The following WDR49 variants were observed in gnomAD, a reference collection of about 807,000 sequenced individuals.
The protein encoded by WDR49 is cilia- and flagella-associated protein 337.
In WDR49, 107 loss-of-function variants were observed where a neutral mutation model predicts 119.5. The ratio of observed to expected loss-of-function variants is 0.90; its 90% CI spans 0.77 to 1.05. The LOEUF is 1.05. Ranked by LOEUF, WDR49 falls within the 50% of genes least tolerant of loss-of-function variation. The pLI is 0.00. For synonymous variants in WDR49, 425 were observed against 418.8 expected, an observed-to-expected ratio of 1.01 and a Z score of -0.18; for missense variants, 1,240 against 1,220.5, an observed-to-expected ratio of 1.02 and a Z score of -0.24.
At chr3:167,587,140 G>C (rs1368473563) in intron 7 of WDR49, among the ~76,000 whole-genome samples, 1 of 151,764 alleles carries the variant, frequency 6.6e-6, no homozygotes, top group Non-Finnish European at 1.5e-5. Flanking sequence ...TATTTTCTAG[G>C]TCTTGGGAAA....
chr3:167,598,612 T>C (rs1237776333), intron 7 of WDR49, among the ~76,000 whole-genome samples: 1 of 152,220 alleles, frequency 6.6e-6, no homozygotes, highest in Non-Finnish European at 1.5e-5. Flanking sequence ...TCCACCATGA[T>C]TGTAAGCTTC....
At chr3:167,643,838 T>A (rs1263292188) in intron 2 of WDR49, among the ~76,000 whole-genome samples, 1 of 152,066 alleles carries the variant, frequency 6.6e-6, no homozygotes, top group Non-Finnish European at 1.5e-5. Flanking sequence ...ATTTTACTGA[T>A]AATAGCAAGT....
intron 10 of WDR49, among the ~76,000 whole-genome samples, chr3:167,543,986 A>G (rs1262324251): frequency 6.6e-6 from 1 of 152,064 alleles, no homozygotes; most frequent in African/African-American, 2.4e-5. Context: ...CAATATATAG[A>G]AATTGGTAAA....
intron 16 of WDR49, among the ~76,000 whole-genome samples, chr3:167,512,311 G>T (rs970546763): frequency 1.3e-5 from 2 of 152,164 alleles, no homozygotes; most frequent in East Asian, 1.9e-4. Context: ...AGGTGCATGA[G>T]GGACCCAGGT....
chr3:167,505,533 C>A, intron 16 of WDR49, 117 bp from the exon 17 acceptor site: 1 of 1,296,748 alleles, frequency 7.7e-7, no homozygotes, highest in South Asian at 1.8e-5. Flanking sequence ...AAATCTATTC[C>A]TGTGAACCGA....
At chr3:167,502,236 G>C (rs931666896) in intron 17 of WDR49, among the ~76,000 whole-genome samples, 1 of 152,192 alleles carries the variant, frequency 6.6e-6, no homozygotes, top group African/African-American at 2.4e-5. Context: ...CTCACCAGAA[G>C]GTGGGCAAAT....
intron 7 of WDR49, among the ~76,000 whole-genome samples, chr3:167,598,845 G>A (rs1488219257): frequency 2.0e-5 from 3 of 152,176 alleles, no homozygotes; most frequent in South Asian, 4.1e-4. Context: ...ACTCATAAAG[G>A]TCCCAGTTTG....
chr3:167,505,706 A>C (rs1178661704), intron 16 of WDR49, among the ~76,000 whole-genome samples: 7 of 152,182 alleles, frequency 4.6e-5, no homozygotes, highest in African/African-American at 1.7e-4. Context: ...TTTAGAAGAA[A>C]ATTTTACAGA....
At chr3:167,609,329 C>G (rs1204891585) in intron 5 of WDR49, among the ~76,000 whole-genome samples, 1 of 152,130 alleles carries the variant, frequency 6.6e-6, no homozygotes, top group Non-Finnish European at 1.5e-5. Flanking sequence ...GAATCACCAA[C>G]GCCCACCCTT....
intron 5 of WDR49, among the ~76,000 whole-genome samples, chr3:167,615,626 T>C (rs751322802): frequency 3.3e-5 from 5 of 152,012 alleles, no homozygotes; most frequent in Admixed American, 2.6e-4. Context: ...TAAAATCCCA[T>C]AGAAGAAACT....
chr3:167,536,082 G>A (rs1350224099), intron 11 of WDR49, among the ~76,000 whole-genome samples: 3 of 152,064 alleles, frequency 2.0e-5, no homozygotes, highest in African/African-American at 2.4e-5. Context: ...ATGGGGAGGG[G>A]AGACAGGAGG....
chr3:167,526,535 C>T (rs1162030702), intron 15 of WDR49, among the ~76,000 whole-genome samples: 1 of 152,148 alleles, frequency 6.6e-6, no homozygotes, highest in African/African-American at 2.4e-5. Context: ...CATGTCCCAC[C>T]CTGTCTCACT....
At chr3:167,638,518 A>G (rs1717727228) in intron 2 of WDR49, among the ~76,000 whole-genome samples, 1 of 151,550 alleles carries the variant, frequency 6.6e-6, no homozygotes, top group Non-Finnish European at 1.5e-5. Flanking sequence ...GTTACAAAGC[A>G]TATTGGTTAT....
intron 7 of WDR49, among the ~76,000 whole-genome samples, chr3:167,577,957 C>T (rs1714333201): frequency 6.6e-6 from 1 of 152,076 alleles, no homozygotes; most frequent in Non-Finnish European, 1.5e-5. Context: ...GGTACATAGA[C>T]ACACCTCACA....
intron 5 of WDR49, among the ~76,000 whole-genome samples, chr3:167,618,023 T>C (rs887082754): frequency 6.6e-6 from 1 of 152,160 alleles, no homozygotes; most frequent in South Asian, 2.1e-4. Flanking sequence ...ATTTGACCTA[T>C]TTGTTTCTAT....
intron 16 of WDR49, among the ~76,000 whole-genome samples, chr3:167,522,060 T>G (rs536975501): frequency 6.6e-6 from 1 of 152,210 alleles, no homozygotes; most frequent in South Asian, 2.1e-4. Context: ...ATTAGATTGA[T>G]GATGGAGTAG....
chr3:167,506,074 A>C (rs9880228), intron 16 of WDR49, among the ~76,000 whole-genome samples: 90,239 of 152,050 alleles, frequency 0.59, 28,494 homozygotes, highest in African/African-American at 0.83. Context: ...TGTTATTAGT[A>C]TCTTCAGAGC....
chr3:167,497,135 A>G (rs1751384030), intron 18 of WDR49, among the ~76,000 whole-genome samples: 1 of 152,132 alleles, frequency 6.6e-6, no homozygotes, highest in Non-Finnish European at 1.5e-5. Context: ...AATGAATCGA[A>G]CTTTTTTCCT....
chr3:167,611,879 AC>A (rs1409964047), intron 5 of WDR49, among the ~76,000 whole-genome samples: 1 of 152,172 alleles, frequency 6.6e-6, no homozygotes, highest in Non-Finnish European at 1.5e-5. Context: ...AGGCCTTGAT[AC>A]AATAATACCT....
Sources: allele counts gnomAD v4.1 joint callset (sites outside exome capture counted in the v4.1 genomes callset), GRCh38; gene constraint gnomAD v4.1.1; transcripts MANE v1.5; gene names NCBI Gene and HGNC (gene_info 2026-07-23, HGNC 2026-07-21).